The following GALNT7 variants were observed in gnomAD, a reference collection of about 807,000 sequenced individuals.
GALNT7 encodes the protein polypeptide N-acetylgalactosaminyltransferase 7.
Under a neutral mutation model 82.1 loss-of-function variants are expected in GALNT7, and 60 were observed. That is an observed-to-expected ratio of 0.73 (90% CI 0.59 to 0.91). The LOEUF is 0.91. Among genes scored for constraint, GALNT7 ranks in the 40% least tolerant of loss-of-function variants. The probability of loss-of-function intolerance (pLI) is 0.00; values close to 1 mark genes in which losing one functional copy is unlikely to be tolerated. For missense variants in GALNT7, 660 were observed against 804.2 expected (o/e 0.82, Z 2.17); for synonymous variants, 243 against 275.1 (o/e 0.88, Z 1.15).
At chr4:173,317,260 T>G (rs1737638343) in intron 9 of GALNT7, 1 of 179,386 alleles carries the variant, frequency 5.6e-6, no homozygotes, top group Non-Finnish European at 1.2e-5. Flanking sequence ...ACAAATCCAG[T>G]CTGTTCTAGA....
rs376404490 is a variant in GALNT7, at chr4:173,185,656, A to G, written c.126+16695A>G. Among the ~76,000 whole-genome samples, 32 of 152,316 alleles carry G rather than the reference A, an allele frequency of 2.1e-4. 1 individual carries two copies. The South Asian group carries it at 6.4e-3, about 31-fold the overall frequency. On this transcript the variant is annotated intron_variant, in intron 1 of 11. Coordinates refer to ENST00000265000, the MANE Select transcript of GALNT7 (RefSeq NM_017423.3). ...ACAGTTTAGGAATACTAAATTCAGA[A>G]CTCTGTATTGTAACAAGTTACCAGG...
At chr4:173,284,272 A>C (rs1191221698) in intron 2 of GALNT7, among the ~76,000 whole-genome samples, 1 of 152,232 alleles carries the variant, frequency 6.6e-6, no homozygotes, top group Non-Finnish European at 1.5e-5. Flanking sequence ...ATAAGACAAC[A>C]ATTGTCTGTA....
chr4:173,275,801 T>C (rs1032523492), intron 2 of GALNT7, among the ~76,000 whole-genome samples: 3 of 152,190 alleles, frequency 2.0e-5, no homozygotes. Flanking sequence ...TGCTAGGAAC[T>C]AGGGATGCTT....
At chr4:173,254,182 G>A (rs1031721311) in intron 2 of GALNT7, among the ~76,000 whole-genome samples, 6 of 152,216 alleles carry the variant, frequency 3.9e-5, no homozygotes, top group East Asian at 3.9e-4. Flanking sequence ...TAGTAAGATC[G>A]TTAATATCTT....
At position 173,318,431 on chromosome 4, in the gene GALNT7, C is replaced by T; in HGVS notation, c.1708C>T (p.Leu570Phe). 6.2e-7 allele frequency: 1 copy of T among 1,600,412 alleles called. No individual in the cohort carries two copies. Among genetic ancestry groups the T allele is most frequent in the Non-Finnish European group, 8.5e-7 (1 of 1,174,432 alleles). ...TTAATTCTCTCTTTTCCTTTTACAG[C>T]TTTTCAGAATCAATGAAGCAAATCA... Reference protein sequence around the residue: ...GPCHRMGGNQLFRINEANQLM... With the variant: ...GPCHRMGGNQFFRINEANQLM... Residue 570 changes from leucine to phenylalanine, a missense_variant and splice_region_variant, in exon 11 of 12, where the codon CTT (leucine) becomes TTT (phenylalanine). By Grantham distance (22) the Leu-to-Phe change is conservative (BLOSUM62 0). This residue lies in a region of GALNT7 where 527 missense variants were observed against 683.5 expected (regional missense o/e 0.77). Transcript: ENST00000265000.
chr4:173,259,321 A>C (rs1735167662), intron 2 of GALNT7, among the ~76,000 whole-genome samples: 1 of 152,176 alleles, frequency 6.6e-6, no homozygotes, highest in Admixed American at 6.5e-5. Flanking sequence ...AGGGGGTTAC[A>C]TGCAGGTTCA....
chr4:173,318,727 T>C, intron 11 of GALNT7, 168 bp downstream of exon 11: 1 of 517,438 alleles, frequency 1.9e-6, no homozygotes. Context: ...TGACTCATTG[T>C]TCTATAATGA....
intron 2 of GALNT7, among the ~76,000 whole-genome samples, chr4:173,261,416 A>G (rs1001629122): frequency 7.2e-5 from 11 of 152,098 alleles, no homozygotes; most frequent in Non-Finnish European, 1.5e-4. Context: ...TCAGCATTAA[A>G]ACAAAACAAG....
In GALNT7 at chr4:173,174,122, T is replaced by C. The variant is rs761688526; in HGVS notation, c.126+5161T>C. ...CTATACACCTTAGGATTGGTTTTTG[T>C]TTCCTTTGCTGTTTTCAGTGTCCCA... is the stretch of plus-strand genomic sequence containing the variant. On this transcript the variant is annotated intron_variant, in intron 1 of 11. Transcript: ENST00000265000. Among the ~76,000 whole-genome samples the C allele has an allele frequency of 2.3e-4, 35 of 152,214 alleles. 1 individual carries two copies. Among genetic ancestry groups the C allele is most frequent in the Non-Finnish European group, 3.8e-4 (26 of 68,032 alleles).
intron 1 of GALNT7, among the ~76,000 whole-genome samples, chr4:173,201,301 T>A (rs946836283): frequency 1.3e-5 from 2 of 152,194 alleles, no homozygotes; most frequent in Admixed American, 1.3e-4. Context: ...TAAGTTGTGG[T>A]TATTAAATTA....
intron 1 of GALNT7, among the ~76,000 whole-genome samples, chr4:173,209,042 A>C (rs1012266860): frequency 2.0e-5 from 3 of 152,198 alleles, no homozygotes; most frequent in African/African-American, 7.2e-5. Context: ...ACTCAGTATC[A>C]TTTATTAAAT....
intron 1 of GALNT7, among the ~76,000 whole-genome samples, chr4:173,247,509 C>T (rs1734686651): frequency 6.6e-6 from 1 of 152,142 alleles, no homozygotes; most frequent in South Asian, 2.1e-4. Flanking sequence ...ACTGAGCCAG[C>T]CTGCTGACAG....
intron 6 of GALNT7, among the ~76,000 whole-genome samples, chr4:173,300,941 C>A (rs917902806): frequency 6.6e-6 from 1 of 151,980 alleles, no homozygotes; most frequent in Non-Finnish European, 1.5e-5. Flanking sequence ...CTAGACCAGT[C>A]TGAGCAACAT....
intron 1 of GALNT7, among the ~76,000 whole-genome samples, chr4:173,196,838 G>T (rs1176591670): frequency 1.3e-5 from 2 of 152,140 alleles, no homozygotes; most frequent in African/African-American, 4.8e-5. Context: ...ATGAAAACAG[G>T]TTTGATGACT....
chr4:173,241,015 A>C (rs1734411122), intron 1 of GALNT7, among the ~76,000 whole-genome samples: 1 of 152,124 alleles, frequency 6.6e-6, no homozygotes, highest in Non-Finnish European at 1.5e-5. Flanking sequence ...GAACATGTAG[A>C]TGGTTTTGGA....
At chr4:173,274,598 G>T (rs1001700723) in intron 2 of GALNT7, among the ~76,000 whole-genome samples, 4 of 151,982 alleles carry the variant, frequency 2.6e-5, no homozygotes. Context: ...TATATAAAAT[G>T]AATAATAATA....
intron 2 of GALNT7, among the ~76,000 whole-genome samples, chr4:173,263,858 T>C (rs139855343): frequency 4.7e-4 from 72 of 152,272 alleles, no homozygotes; most frequent in African/African-American, 1.6e-3. Flanking sequence ...AAGATAAATA[T>C]AAACACATCA....
intron 2 of GALNT7, among the ~76,000 whole-genome samples, chr4:173,281,929 C>G (rs943943333): frequency 6.6e-6 from 1 of 152,104 alleles, no homozygotes; most frequent in South Asian, 2.1e-4. Context: ...GTTGTCTGAA[C>G]AAGTACCCGG....
intron 1 of GALNT7, among the ~76,000 whole-genome samples, chr4:173,178,900 T>C (rs754573845): frequency 3.3e-5 from 5 of 152,200 alleles, no homozygotes; most frequent in Non-Finnish European, 5.9e-5. Flanking sequence ...GGAAACCATT[T>C]TGTATGAGAA....
Sources: allele counts gnomAD v4.1 joint callset (sites outside exome capture counted in the v4.1 genomes callset), GRCh38; gene constraint gnomAD v4.1.1; regional missense constraint gnomAD v4.1.1; transcripts MANE v1.5; gene names NCBI Gene and HGNC (gene_info 2026-07-23, HGNC 2026-07-21).